Variants in SYT7 observed in about 807,000 individuals in gnomAD.
The protein encoded by SYT7 is synaptotagmin-7.
SYT7 carries 29 observed loss-of-function variants against 75.1 expected under a neutral mutation model. The observed-to-expected ratio is 0.39, with a 90% CI of 0.29 to 0.53. The LOEUF (loss-of-function observed/expected upper bound fraction) is 0.53. Ranked by LOEUF, SYT7 falls within the 20% of genes least tolerant of loss-of-function variation. The pLI is 0.77. For missense variants in SYT7, 693 were observed against 953.2 expected (o/e 0.73, Z 3.59); for synonymous variants, 376 against 401.7 (o/e 0.94, Z 0.76).
At position 61,528,097 on chromosome 11, in the gene SYT7, A is replaced by C. The variant is rs753044343; in HGVS notation, c.1289T>G (p.Phe430Cys). The C allele has an allele frequency of 6.2e-7, 1 of 1,613,628 alleles. No individual in the cohort carries two copies. Among genetic ancestry groups the C allele is most frequent in the African/African-American group, 1.3e-5 (1 of 74,892 alleles). Residue 430 changes from phenylalanine (F) to cysteine (C), a missense_variant, in exon 9 of 13, where the codon TTC becomes TGC. Transcript: ENST00000539008. ...GRIQFSVGYN[F>C]QESTLTVKIM... ...CTTCACGGTGAGCGTGGACTCCTGGAAGTTGTAGCCGACACTGAACTGGAT... is the reference window on the plus strand; with the variant it reads ...CTTCACGGTGAGCGTGGACTCCTGGCAGTTGTAGCCGACACTGAACTGGAT...
At chr11:61,537,692 T>C (rs1323611314) in intron 7 of SYT7, among the ~76,000 whole-genome samples, 1 of 152,068 alleles carries the variant, frequency 6.6e-6, no homozygotes, top group Non-Finnish European at 1.5e-5. Flanking sequence ...CAACAGGACC[T>C]CCAGGCAAGA....
chr11:61,529,575 C>T (rs2062639481), intron 8 of SYT7, among the ~76,000 whole-genome samples: 1 of 152,190 alleles, frequency 6.6e-6, no homozygotes, highest in African/African-American at 2.4e-5. Flanking sequence ...GGTTTCCCCT[C>T]AAGCCGGCAA....
rs912583868 is a variant in SYT7, at chr11:61,580,458, GAGGGCACTGCCCGGCTCCC to G, written c.31+313_31+331del. On this transcript the variant is annotated intron_variant, in intron 1 of 12. Coordinates refer to ENST00000539008, the MANE Select transcript of SYT7 (RefSeq NM_001365809.2). This position sits in a 1 kb window ranked among gnomAD's most constrained non-coding sequence, Gnocchi z 6.1. Reference sequence around the variant, plus strand: ...GTGCTGGGGAGCCTCGGGTGCCTCTGAGGGCACTGCCCGGCTCCCACAGGGGCAGCGGCTCCTCGCTCCG... The same window carrying G: ...GTGCTGGGGAGCCTCGGGTGCCTCTGACAGGGGCAGCGGCTCCTCGCTCCG... Among the ~76,000 whole-genome samples, 23 of 152,120 alleles carry G rather than the reference GAGGGCACTGCCCGGCTCCC, an allele frequency of 1.5e-4. No homozygotes were observed. Among genetic ancestry groups the G allele is most frequent in the Admixed American group, 1.3e-4 (2 of 15,288 alleles).
intron 1 of SYT7, among the ~76,000 whole-genome samples, chr11:61,563,523 G>A (rs1297630303): frequency 6.6e-6 from 1 of 152,208 alleles, no homozygotes; most frequent in Non-Finnish European, 1.5e-5. Context: ...CTAAGGCATG[G>A]GGAATAATAG....
At chr11:61,525,448 C>G (rs1386717146) in intron 9 of SYT7, among the ~76,000 whole-genome samples, 1 of 152,052 alleles carries the variant, frequency 6.6e-6, no homozygotes. Flanking sequence ...TTCAACACCC[C>G]GACTCCTCCC....
rs1307906778 is a variant in SYT7 at position 61,551,626 on chromosome 11, T to C, written c.136-163A>G. ...GTCACCGCGGTGGGGGCCAATCCCCTGGATGCCTGCTCCCCGGTTGGCAGC... is the reference window on the plus strand; with the variant it reads ...GTCACCGCGGTGGGGGCCAATCCCCCGGATGCCTGCTCCCCGGTTGGCAGC... On this transcript the variant is annotated intron_variant, in intron 2 of 12. Transcript: ENST00000539008. This position sits in a 1 kb window ranked among gnomAD's most constrained non-coding sequence, Gnocchi z 5.3. 6.6e-6 allele frequency among the ~76,000 whole-genome samples: 1 copy of C among 152,080 alleles called. No individual in the cohort carries two copies. The highest frequency in any genetic ancestry group is 1.9e-4 in the East Asian group (1 of 5,170).
intron 9 of SYT7, 74 bp downstream of exon 9, chr11:61,527,841 A>C (rs2062570208): frequency 6.4e-7 from 1 of 1,567,112 alleles, no homozygotes; most frequent in African/African-American, 1.3e-5. Context: ...GCATGTGGCC[A>C]CAAGTGTGGT....
intron 6 of SYT7, chr11:61,540,752 A>G: frequency 1.0e-6 from 1 of 985,498 alleles, no homozygotes; most frequent in Non-Finnish European, 1.2e-6. Context: ...GGTGGGGAGG[A>G]GCAAGGACGT....
Position 61,536,655 on chromosome 11 carries a change from C to G in SYT7, c.1064+1489G>C, listed in dbSNP as rs569287527. 5.9e-5 allele frequency among the ~76,000 whole-genome samples: 9 copies of G among 152,324 alleles called. No individual in the cohort carries two copies. The South Asian group carries it at 1.5e-3, about 25-fold the overall frequency. On this transcript the variant is annotated intron_variant, in intron 7 of 12. Coordinates refer to ENST00000539008, the MANE Select transcript of SYT7 (RefSeq NM_001365809.2). The stretch of plus-strand genomic sequence containing the variant: ...GCATTTGTGCCACTCAGTGAAAGAC[C>G]TGACCCCACTCTCTGGGGACTTTCA...
intron 8 of SYT7, among the ~76,000 whole-genome samples, chr11:61,529,333 T>G (rs1251691175): frequency 6.6e-6 from 1 of 152,196 alleles, no homozygotes; most frequent in South Asian, 2.1e-4. Context: ...ATAATACAGA[T>G]AATAATAATG....
Position 61,517,300 on chromosome 11 carries a change from C to T in SYT7, c.*1327G>A. 1 of 398,664 alleles carries T rather than the reference C, an allele frequency of 2.5e-6. No individual in the cohort carries two copies. The allele number at this position is 398,664 out of a possible 1,614,324, so 24.7% of individuals were successfully genotyped here. A position where few individuals can be genotyped will look rare whatever the true frequency, so the allele number is the denominator to read the frequency against. ...TCATCAGTGGCCGAGGCAGAGAAAC[C>T]ACAGCTTCTTTGTGTGTGGCAACCT... On this transcript the variant is annotated 3_prime_UTR_variant, in exon 13 of 13. Transcript: ENST00000539008.
Position 61,546,307 on chromosome 11 carries a change from G to T in SYT7, c.348-52C>A, listed in dbSNP as rs1362945277. On this transcript the variant is annotated intron_variant, in intron 4 of 12. Coordinates refer to ENST00000539008, the MANE Select transcript of SYT7 (RefSeq NM_001365809.2). This position sits in a 1 kb window ranked among gnomAD's most constrained non-coding sequence, Gnocchi z 7.6. Reference sequence around the variant, plus strand: ...CCAGAGGGGCACCGGGGGTGGCGGTGGGGGAGAGAGGGCAGGCCATACGTG... The same window carrying T: ...CCAGAGGGGCACCGGGGGTGGCGGTTGGGGAGAGAGGGCAGGCCATACGTG... 5 of 1,271,916 alleles carry T rather than the reference G, an allele frequency of 3.9e-6. No homozygotes were observed. Among genetic ancestry groups the T allele is most frequent in the East Asian group, 2.9e-5 (1 of 34,820 alleles). 78.8% of individuals were successfully genotyped at this position (1,271,916 alleles called of 1,614,324 possible). A position where few individuals can be genotyped will look rare whatever the true frequency, so the allele number is the denominator to read the frequency against.
chr11:61,542,788 C>A lies in SYT7; in HGVS notation c.573-209G>T, dbSNP rs1018995507. On this transcript the variant is annotated intron_variant, in intron 5 of 12. Transcript: ENST00000539008. This position sits in a 1 kb window ranked among gnomAD's most constrained non-coding sequence, Gnocchi z 7.8. ...CAAAGCCCTCGCGCCCACCCTGAGG[C>A]CCCAGGCCGGCTCTGCCCACCCACC... Among the ~76,000 whole-genome samples the A allele has an allele frequency of 1.3e-5, 2 of 152,216 alleles. No individual in the cohort carries two copies. Among genetic ancestry groups the A allele is most frequent in the African/African-American group, 2.4e-5 (1 of 41,450 alleles).
chr11:61,545,627 T>C (rs1283465574), intron 5 of SYT7, among the ~76,000 whole-genome samples: 1 of 152,170 alleles, frequency 6.6e-6, no homozygotes, highest in Non-Finnish European at 1.5e-5. Flanking sequence ...ATTGTCAGGC[T>C]GAGAGTGGGC....
At chr11:61,540,822 C>A in intron 6 of SYT7, 2 of 985,532 alleles carry the variant, frequency 2.0e-6, no homozygotes, top group Non-Finnish European at 2.4e-6. Context: ...TCCCTCGACT[C>A]TCCAAGATCC....
rs1300930315 is a variant in SYT7 at position 61,523,776 on chromosome 11, G to A, written c.1756+51C>T. The A allele has an allele frequency of 6.4e-7, 1 of 1,562,800 alleles. No individual in the cohort carries two copies. Among genetic ancestry groups the A allele is most frequent in the Non-Finnish European group, 8.8e-7 (1 of 1,135,154 alleles). On this transcript the variant is annotated intron_variant, in intron 11 of 12. Transcript: ENST00000539008. The surrounding 1 kb of genome is among the most constrained non-coding windows in gnomAD (Gnocchi z 5.0). Reference sequence around the variant, plus strand: ...TCTCCACATCCGGTGTAAACCTTGTGTCACCAGCACCTCCCCGGCCCGCCC... The same window carrying A: ...TCTCCACATCCGGTGTAAACCTTGTATCACCAGCACCTCCCCGGCCCGCCC...
intron 7 of SYT7, 59 bp from the exon 8 acceptor site, chr11:61,533,183 CG>C: frequency 2.0e-6 from 3 of 1,498,058 alleles, no homozygotes; most frequent in Non-Finnish European, 1.8e-6. Flanking sequence ...TTGGGCACCC[CG>C]GCCTGGGGGG....
At chr11:61,562,913 G>A (rs571609984) in intron 1 of SYT7, among the ~76,000 whole-genome samples, 22 of 152,274 alleles carry the variant, frequency 1.4e-4, no homozygotes, top group South Asian at 2.1e-4. Flanking sequence ...GCTGGCTGCT[G>A]GGATGCCCTG....
chr11:61,542,362 G>A lies in SYT7; in HGVS notation c.790C>T (p.Pro264Ser), dbSNP rs772169087. The A allele has an allele frequency of 3.3e-6, 5 of 1,530,816 alleles. No individual in the cohort carries two copies. Among genetic ancestry groups the A allele is most frequent in the South Asian group, 2.4e-5 (2 of 83,760 alleles). 94.8% of individuals were successfully genotyped at this position (1,530,816 alleles called of 1,614,324 possible). Residue 264 changes from proline (P) to serine (S), a missense_variant, in exon 6 of 13, where the codon CCC (proline) becomes TCC (serine). Around this residue, in one of 2 missense-constraint regions of SYT7, gnomAD observed 487 missense variants for 593.2 expected, o/e 0.82. Transcript: ENST00000539008. The surrounding 1 kb of genome is among the most constrained non-coding windows in gnomAD (Gnocchi z 7.8). The stretch of plus-strand genomic sequence containing the variant: ...GCCTGGCCCCGGCCATAGGCCCGGG[G>A]GTTGGGGCCTGGTGCCGAGGCCATG... ...AHMASAPGPN[P>S]RAYGRGQARQ...
Sources: allele counts gnomAD v4.1 joint callset (sites outside exome capture counted in the v4.1 genomes callset), GRCh38; gene constraint gnomAD v4.1.1; regional missense constraint gnomAD v4.1.1; non-coding constraint Gnocchi (gnomAD v3.1); transcripts MANE v1.5; gene names NCBI Gene and HGNC (gene_info 2026-07-23, HGNC 2026-07-21).